The following FBXL7 variants were observed in gnomAD, a reference collection of about 807,000 sequenced individuals.
The protein encoded by FBXL7 is F-box/LRR-repeat protein 7.
A neutral mutation model predicts 38.3 loss-of-function variants in FBXL7; 12 were observed. The observed-to-expected ratio is 0.31, with a 90% confidence interval of 0.20 to 0.51. FBXL7 has a LOEUF of 0.51. FBXL7 is among the 20% of genes least tolerant of loss of function. The pLI, the probability that FBXL7 is intolerant of heterozygous loss-of-function variation, is 0.98. For synonymous variants in FBXL7, 297 were observed against 300.9 expected (o/e 0.99, Z 0.13); for missense variants, 567 against 676.4 (o/e 0.84, Z 1.79).
In FBXL7 at chr5:15,543,847, C is replaced by T. The variant is rs1030036649; in HGVS notation, c.37+43134C>T. 1.3e-5 allele frequency among the ~76,000 whole-genome samples: 2 copies of T among 152,064 alleles called. 1 individual carries two copies. Among genetic ancestry groups the T allele is most frequent in the African/African-American group, 4.8e-5 (2 of 41,414 alleles). On this transcript the variant is annotated intron_variant, in intron 1 of 3. Coordinates refer to ENST00000504595, the MANE Select transcript of FBXL7 (RefSeq NM_012304.5). Reference sequence around the variant, plus strand: ...AATGGTTCTCAAAGCTAAATAGGCCCGGGAAATAAATGTCCTGTTCTGCCA... The same window carrying T: ...AATGGTTCTCAAAGCTAAATAGGCCTGGGAAATAAATGTCCTGTTCTGCCA...
At chr5:15,915,247 C>T (rs188848639) in intron 2 of FBXL7, among the ~76,000 whole-genome samples, 2 of 152,190 alleles carry the variant, frequency 1.3e-5, no homozygotes, top group African/African-American at 4.8e-5. Context: ...GCTTCCTGGG[C>T]TGCTGTAACA....
At chr5:15,636,452 T>C (rs756100683) in intron 2 of FBXL7, among the ~76,000 whole-genome samples, 8 of 152,240 alleles carry the variant, frequency 5.3e-5, no homozygotes, top group Non-Finnish European at 1.0e-4. Flanking sequence ...GCCAGTATTT[T>C]ATTCATCGTA....
chr5:15,689,555 G>A (rs80354599), intron 2 of FBXL7, among the ~76,000 whole-genome samples: 13,586 of 152,196 alleles, frequency 0.089, 745 homozygotes, highest in South Asian at 0.15. Flanking sequence ...TTTACCAACT[G>A]TGTGCCTCAG....
At chr5:15,885,892 T>TG (rs1740656270) in intron 2 of FBXL7, among the ~76,000 whole-genome samples, 1 of 148,742 alleles carries the variant, frequency 6.7e-6, no homozygotes, top group African/African-American at 2.5e-5. Context: ...TTTATTTTAT[T>TG]TTTTTTTTTG....
Position 15,928,214 on chromosome 5 carries a change from C to A in FBXL7, c.452C>A (p.Pro151Gln). The change falls in exon 3 of 4, where the codon CCG (proline) becomes CAG (glutamine). Residue 151 changes from proline to glutamine, a missense_variant. Coordinates refer to ENST00000504595, the MANE Select transcript of FBXL7 (RefSeq NM_012304.5). The surrounding 1 kb of genome is among the most constrained non-coding windows in gnomAD (Gnocchi z 4.0). ...CRRWYNLAWDPRLWRTIRLTG... is the reference protein window; with the variant it reads ...CRRWYNLAWDQRLWRTIRLTG... The stretch of plus-strand genomic sequence containing the variant: ...CGCTGGTACAACCTGGCCTGGGACC[C>A]GCGGCTCTGGAGGACTATCCGCCTG... 6.2e-7 allele frequency: 1 copy of A among 1,609,992 alleles called. No homozygotes were observed. Among genetic ancestry groups the A allele is most frequent in the East Asian group, 2.2e-5 (1 of 44,644 alleles).
intron 1 of FBXL7, among the ~76,000 whole-genome samples, chr5:15,615,430 C>A (rs1740412601): frequency 6.6e-6 from 1 of 152,178 alleles, no homozygotes; most frequent in African/African-American, 2.4e-5. Context: ...TCCCCTTGAA[C>A]AGAAAAATCA....
At chr5:15,575,393 A>G (rs943346802) in intron 1 of FBXL7, among the ~76,000 whole-genome samples, 2 of 152,138 alleles carry the variant, frequency 1.3e-5, no homozygotes, top group African/African-American at 4.8e-5. Flanking sequence ...TTCTTTGACG[A>G]GCGCAACAGG....
intron 2 of FBXL7, among the ~76,000 whole-genome samples, chr5:15,868,462 G>A (rs556733501): frequency 3.3e-5 from 5 of 152,230 alleles, no homozygotes; most frequent in South Asian, 2.1e-4. Context: ...TACCTTCTCC[G>A]GCATGGACTT....
rs543394082 is a variant in FBXL7, at chr5:15,630,200, A to G, written c.127+14128A>G. ...CATTCTGAGTCACTAAATGAGATATACTTAGAAGTCTAAAAATTCTAAGGC... is the reference window on the plus strand; with the variant it reads ...CATTCTGAGTCACTAAATGAGATATGCTTAGAAGTCTAAAAATTCTAAGGC... On this transcript the variant is annotated intron_variant, in intron 2 of 3. Coordinates refer to ENST00000504595, the MANE Select transcript of FBXL7 (RefSeq NM_012304.5). Among the ~76,000 whole-genome samples, 4 of 152,302 alleles carry G rather than the reference A, an allele frequency of 2.6e-5. No individual in the cohort carries two copies. The East Asian group carries it at 5.8e-4, about 22-fold the overall frequency.
At chr5:15,596,846 G>GT (rs1739638181) in intron 1 of FBXL7, among the ~76,000 whole-genome samples, 1 of 152,166 alleles carries the variant, frequency 6.6e-6, no homozygotes, top group Non-Finnish European at 1.5e-5. Context: ...CCCAGAGAGG[G>GT]CATGGACGCT....
At position 15,703,630 on chromosome 5, in the gene FBXL7, T is replaced by G. The variant is rs1042476114; in HGVS notation, c.127+87558T>G. On this transcript the variant is annotated intron_variant, in intron 2 of 3. Coordinates refer to ENST00000504595, the MANE Select transcript of FBXL7 (RefSeq NM_012304.5). ...CTTTTGATAGAATATATTAATATTT[T>G]TAAACAGATTATGTGTCCTAGGAAT... Among the ~76,000 whole-genome samples, 7 of 152,168 alleles carry G rather than the reference T, an allele frequency of 4.6e-5. 1 individual carries two copies. Among genetic ancestry groups the G allele is most frequent in the South Asian group, 4.1e-4 (2 of 4,830 alleles).
intron 2 of FBXL7, among the ~76,000 whole-genome samples, chr5:15,642,711 C>T (rs1302156869): frequency 6.6e-6 from 1 of 152,078 alleles, no homozygotes; most frequent in Non-Finnish European, 1.5e-5. Context: ...AGGAGACAGA[C>T]CTAGATAGGC....
chr5:15,625,564 T>C (rs1740785503), intron 2 of FBXL7, among the ~76,000 whole-genome samples: 1 of 152,034 alleles, frequency 6.6e-6, no homozygotes, highest in Non-Finnish European at 1.5e-5. Context: ...TGAGGCCCAG[T>C]AATCCCTTGA....
intron 2 of FBXL7, among the ~76,000 whole-genome samples, chr5:15,617,422 C>CATTT (rs3032718): frequency 0.037 from 5,353 of 142,780 alleles, 122 homozygotes; most frequent in Non-Finnish European, 0.049. Flanking sequence ...TGATTCTAGA[C>CATTT]ATTTATTTAT....
chr5:15,677,240 C>T (rs1244916463), intron 2 of FBXL7, among the ~76,000 whole-genome samples: 2 of 152,106 alleles, frequency 1.3e-5, no homozygotes, highest in South Asian at 2.1e-4. Flanking sequence ...GAGGCCAAGG[C>T]GGGCAGATCT....
intron 1 of FBXL7, among the ~76,000 whole-genome samples, chr5:15,507,629 G>A (rs1170016645): frequency 6.6e-6 from 1 of 152,172 alleles, no homozygotes; most frequent in Non-Finnish European, 1.5e-5. Flanking sequence ...ATATGTGACA[G>A]CATCTGGAAT....
At chr5:15,623,362 T>C (rs1425941079) in intron 2 of FBXL7, among the ~76,000 whole-genome samples, 4 of 152,228 alleles carry the variant, frequency 2.6e-5, no homozygotes, top group African/African-American at 9.6e-5. Context: ...ATTCAGTTAA[T>C]ACCGCTTTGC....
intron 1 of FBXL7, among the ~76,000 whole-genome samples, chr5:15,531,919 G>T (rs895784808): frequency 6.6e-6 from 1 of 152,120 alleles, no homozygotes; most frequent in African/African-American, 2.4e-5. Flanking sequence ...CCCTTTGCTG[G>T]TTCAGGATTA....
intron 2 of FBXL7, among the ~76,000 whole-genome samples, chr5:15,898,013 G>A (rs1444434095): frequency 1.3e-5 from 2 of 152,208 alleles, no homozygotes; most frequent in Non-Finnish European, 2.9e-5. Context: ...TAGACTTAGT[G>A]ATGTATATAG....
Sources: gnomAD v4.1 joint callset for allele counts (sites outside exome capture counted in the v4.1 genomes callset) on GRCh38, gnomAD v4.1.1 for gene constraint, Gnocchi (gnomAD v3.1) non-coding constraint, MANE v1.5 for transcripts, NCBI Gene and HGNC (gene_info 2026-07-23, HGNC 2026-07-21) for gene names.